The following PDE4D variants were observed in gnomAD, a reference collection of about 807,000 sequenced individuals.
PDE4D encodes the protein phosphodiesterase 4D.
A neutral mutation model predicts 87.4 loss-of-function variants in PDE4D; 24 were observed. That is an observed-to-expected ratio of 0.27 (90% CI 0.20 to 0.39). The LOEUF (loss-of-function observed/expected upper bound fraction) is 0.39, where lower values mean the gene tolerates loss of function less well. Among genes scored for constraint, PDE4D ranks in the 10% least tolerant of loss-of-function variants. The probability of loss-of-function intolerance (pLI) is 1.00; values close to 1 mark genes in which losing one functional copy is unlikely to be tolerated. For missense variants in PDE4D, 714 were observed against 1,041.0 expected (o/e 0.69, Z 4.32); for synonymous variants, 384 against 383.2 (o/e 1.00, Z -0.02).
chr5:59,720,271 C>T (rs1401600333), intron 1 of PDE4D, among the ~76,000 whole-genome samples: 1 of 152,130 alleles, frequency 6.6e-6, no homozygotes, highest in Admixed American at 6.6e-5. Context: ...AAGCAATCCT[C>T]CCACCTCAGT....
At chr5:59,554,564 A>G (rs1818604058) in intron 1 of PDE4D, among the ~76,000 whole-genome samples, 1 of 152,224 alleles carries the variant, frequency 6.6e-6, no homozygotes, top group Admixed American at 6.6e-5. Flanking sequence ...GTCCAAAGGA[A>G]TATGAATAAA....
intron 4 of PDE4D, among the ~76,000 whole-genome samples, chr5:59,181,543 G>GAGATATATATATATATAT (rs5868165): frequency 6.7e-5 from 8 of 118,942 alleles, no homozygotes; most frequent in African/African-American, 2.7e-4. Context: ...AAAGATGTCT[G>GAGATATATATATATATAT]ATATATATAT....
At chr5:60,084,124 G>T (rs531200603) in intron 2 of PDE4D, among the ~76,000 whole-genome samples, 1 of 152,156 alleles carries the variant, frequency 6.6e-6, no homozygotes, top group Non-Finnish European at 1.5e-5. Flanking sequence ...ATATGAACCA[G>T]ATTTGGTAAT....
chr5:60,422,126 T>C (rs1440070896), intron 1 of PDE4D, among the ~76,000 whole-genome samples: 1 of 152,158 alleles, frequency 6.6e-6, no homozygotes, highest in African/African-American at 2.4e-5. Flanking sequence ...CTCTGGAGGA[T>C]ATTATCCACA....
intron 1 of PDE4D, among the ~76,000 whole-genome samples, chr5:59,685,660 GAC>G (rs1749737105): frequency 1.3e-5 from 2 of 152,080 alleles, no homozygotes; most frequent in South Asian, 2.1e-4. Context: ...GCCTTCTATT[GAC>G]AGAGTAAGAA....
At chr5:60,295,291 A>T (rs534743496) in intron 1 of PDE4D, among the ~76,000 whole-genome samples, 1 of 152,312 alleles carries the variant, frequency 6.6e-6, no homozygotes, top group South Asian at 2.1e-4. Flanking sequence ...TTTATGTCAT[A>T]CGTGAATAAA....
chr5:59,531,548 A>C (rs1220811055), intron 1 of PDE4D, among the ~76,000 whole-genome samples: 2 of 152,186 alleles, frequency 1.3e-5, no homozygotes, highest in Non-Finnish European at 1.5e-5. Context: ...CACAGGCCTC[A>C]ATGGGCTAAA....
At chr5:60,128,400 C>T (rs1409755564) in intron 2 of PDE4D, among the ~76,000 whole-genome samples, 3 of 152,168 alleles carry the variant, frequency 2.0e-5, no homozygotes, top group African/African-American at 4.8e-5. Context: ...AGCTAGACCA[C>T]ATTTCTTTTG....
chr5:59,133,559 T>G (rs1267534780), intron 5 of PDE4D, among the ~76,000 whole-genome samples: 2 of 152,204 alleles, frequency 1.3e-5, no homozygotes, highest in Non-Finnish European at 2.9e-5. Context: ...TGATTCATTC[T>G]AATTCTGCTA....
intron 1 of PDE4D, among the ~76,000 whole-genome samples, chr5:59,376,126 CA>C (rs1351575190): frequency 6.6e-6 from 1 of 152,116 alleles, no homozygotes; most frequent in Non-Finnish European, 1.5e-5. Context: ...AAAATGGGCA[CA>C]AGACAAGGAT....
At chr5:59,692,222 A>G (rs1472274193) in intron 1 of PDE4D, among the ~76,000 whole-genome samples, 4 of 152,124 alleles carry the variant, frequency 2.6e-5, no homozygotes, top group African/African-American at 9.7e-5. Flanking sequence ...GAACCTAGGT[A>G]TTTTACAGAG....
rs1380973089 is a variant in PDE4D at position 59,493,977 on chromosome 5, AT to A, written c.456-278010del. Among the ~76,000 whole-genome samples, 58 of 152,394 alleles carry A rather than the reference AT, an allele frequency of 3.8e-4. 2 individuals carry two copies. The highest frequency in any genetic ancestry group is 3.6e-3 in the Admixed American group (55 of 15,304). On this transcript the variant is annotated intron_variant, in intron 1 of 14. Transcript: ENST00000340635. ...GTTATAATAAGGATTGCTTCAAAAA[AT>A]AAATGGCTTACTATAAATGCATGAT...
intron 5 of PDE4D, chr5:59,179,636 T>C: frequency 2.2e-6 from 1 of 459,126 alleles, no homozygotes; most frequent in South Asian, 1.6e-5. Context: ...CAGACAGACG[T>C]CTGGACATGA....
chr5:59,587,042 C>T (rs550102678), intron 1 of PDE4D: 1 of 971,314 alleles, frequency 1.0e-6, no homozygotes, highest in Non-Finnish European at 1.2e-6. Flanking sequence ...AGTAGGAAGG[C>T]AATGAGTAAT....
chr5:59,520,074 C>T (rs2153672665), intron 1 of PDE4D, among the ~76,000 whole-genome samples: 1 of 152,148 alleles, frequency 6.6e-6, no homozygotes, highest in African/African-American at 2.4e-5. Context: ...CCAGCCTGGC[C>T]AACATGGTAA....
At chr5:59,598,661 ATAGACTGCAGGTC>A (rs1827051524) in intron 1 of PDE4D, among the ~76,000 whole-genome samples, 1 of 152,134 alleles carries the variant, frequency 6.6e-6, no homozygotes, top group African/African-American at 2.4e-5. Context: ...GCCTCTCTTC[ATAGACTGCAGGTC>A]TAGTGTGCAG....
At chr5:59,275,580 A>C in intron 1 of PDE4D, 1 of 1,386,838 alleles carries the variant, frequency 7.2e-7, no homozygotes, top group Non-Finnish European at 9.3e-7. Context: ...CAAGGTTCTA[A>C]CACGCAGGAG....
chr5:60,378,920 G>C (rs1195509124), intron 1 of PDE4D, among the ~76,000 whole-genome samples: 5 of 151,940 alleles, frequency 3.3e-5, no homozygotes. Flanking sequence ...AAAGAAAGCA[G>C]TATGTTGCTG....
chr5:60,349,935 G>T lies in PDE4D; in HGVS notation c.-90+138007C>A, dbSNP rs543194061. ...TAAAACAATGTAATGCCCACTTCATGAATTCAGATAACAACATCAATGAAC... is the reference window on the plus strand; with the variant it reads ...TAAAACAATGTAATGCCCACTTCATTAATTCAGATAACAACATCAATGAAC... On this transcript the variant is annotated intron_variant, in intron 1 of 16. Transcript: ENST00000502484. Among the ~76,000 whole-genome samples, 6 of 152,228 alleles carry T rather than the reference G, an allele frequency of 3.9e-5. No individual in the cohort carries two copies. The East Asian group carries it at 1.2e-3, about 29-fold the overall frequency.
Sources: gnomAD v4.1 joint callset for allele counts (sites outside exome capture counted in the v4.1 genomes callset) on GRCh38, gnomAD v4.1.1 for gene constraint, MANE v1.5 for transcripts, NCBI Gene and HGNC (gene_info 2026-07-23, HGNC 2026-07-21) for gene names.